The following CDH18 variants were observed in gnomAD, a reference collection of about 807,000 sequenced individuals.
CDH18 encodes the protein cadherin-18.
CDH18 carries 31 observed loss-of-function variants against 67.9 expected under a neutral mutation model. The ratio of observed to expected loss-of-function variants is 0.46; its 90% CI spans 0.34 to 0.62. The LOEUF (loss-of-function observed/expected upper bound fraction) is 0.62. Among genes scored for constraint, CDH18 ranks in the 20% least tolerant of loss-of-function variants. The pLI is 0.01. For synonymous variants in CDH18, 362 were observed against 347.2 expected, an observed-to-expected ratio of 1.04 and a Z score of -0.48; for missense variants, 890 against 975.5, an observed-to-expected ratio of 0.91 and a Z score of 1.17.
At chr5:19,904,733 T>G (rs1790351524) in intron 2 of CDH18, among the ~76,000 whole-genome samples, 1 of 152,226 alleles carries the variant, frequency 6.6e-6, no homozygotes, top group Admixed American at 6.5e-5. Flanking sequence ...TGTATTCAAT[T>G]TTATGTTGAT....
intron 1 of CDH18, among the ~76,000 whole-genome samples, chr5:20,300,453 A>T (rs1341500265): frequency 6.7e-6 from 1 of 148,732 alleles, no homozygotes; most frequent in Non-Finnish European, 1.5e-5. Context: ...CTCATGTCCC[A>T]CTAGGTTTGG....
At chr5:20,048,965 T>A (rs1405022417) in intron 2 of CDH18, among the ~76,000 whole-genome samples, 2 of 151,734 alleles carry the variant, frequency 1.3e-5, no homozygotes, top group South Asian at 4.1e-4. Flanking sequence ...AAGGAATGCA[T>A]TTACACTGGT....
At chr5:19,832,385 AC>A (rs1300585964) in intron 3 of CDH18, among the ~76,000 whole-genome samples, 3 of 152,142 alleles carry the variant, frequency 2.0e-5, no homozygotes, top group African/African-American at 7.2e-5. Context: ...TATTAAAAAA[AC>A]ATTCTTTTAA....
intron 1 of CDH18, among the ~76,000 whole-genome samples, chr5:20,299,072 T>C (rs1198606591): frequency 1.3e-5 from 2 of 152,118 alleles, no homozygotes; most frequent in African/African-American, 4.8e-5. Context: ...TTTTAAGTTT[T>C]TCTCTGAGAT....
chr5:19,925,019 C>T (rs1792935255), intron 2 of CDH18, among the ~76,000 whole-genome samples: 1 of 152,192 alleles, frequency 6.6e-6, no homozygotes, highest in South Asian at 2.1e-4. Flanking sequence ...TGACAGTCTA[C>T]TGTGAACCAG....
chr5:19,945,668 A>C (rs984902705), intron 2 of CDH18, among the ~76,000 whole-genome samples: 8 of 152,160 alleles, frequency 5.3e-5, no homozygotes, highest in Admixed American at 4.6e-4. Context: ...GAAAAATAAC[A>C]GTTTTTGGAA....
At chr5:20,029,983 T>TCGAGGA (rs1739243177) in intron 2 of CDH18, among the ~76,000 whole-genome samples, 1 of 152,156 alleles carries the variant, frequency 6.6e-6, no homozygotes, top group Non-Finnish European at 1.5e-5. Context: ...AGTTGTAGGA[T>TCGAGGA]TGAGGTATTG....
intron 9 of CDH18, among the ~76,000 whole-genome samples, chr5:19,526,092 A>T (rs1384725548): frequency 6.6e-6 from 1 of 152,132 alleles, no homozygotes; most frequent in Non-Finnish European, 1.5e-5. Flanking sequence ...ATGTGCATTA[A>T]TTATTTAATT....
At chr5:20,006,989 C>G (rs1369313677) in intron 2 of CDH18, among the ~76,000 whole-genome samples, 2 of 151,740 alleles carry the variant, frequency 1.3e-5, no homozygotes, top group African/African-American at 4.8e-5. Flanking sequence ...CAACCACAAC[C>G]AAATATTGAG....
intron 2 of CDH18, among the ~76,000 whole-genome samples, chr5:19,844,300 G>A (rs544244905): frequency 6.6e-6 from 1 of 152,198 alleles, no homozygotes; most frequent in Admixed American, 6.5e-5. Flanking sequence ...CTCATAGAAG[G>A]TGACTAGATC....
chr5:20,233,147 C>T (rs1162193999), intron 2 of CDH18, among the ~76,000 whole-genome samples: 1 of 150,788 alleles, frequency 6.6e-6, no homozygotes, highest in East Asian at 1.9e-4. Context: ...TTCCCCTAGC[C>T]CTGTGTATCT....
At chr5:20,214,222 C>T (rs1343666978) in intron 2 of CDH18, among the ~76,000 whole-genome samples, 1 of 151,958 alleles carries the variant, frequency 6.6e-6, no homozygotes, top group East Asian at 1.9e-4. Flanking sequence ...ATATATTATG[C>T]TCATGGATAG....
chr5:19,659,151 T>C (rs1756826107), intron 5 of CDH18, among the ~76,000 whole-genome samples: 1 of 152,150 alleles, frequency 6.6e-6, no homozygotes, highest in Non-Finnish European at 1.5e-5. Flanking sequence ...CTCTGTATTT[T>C]AGAAAGTCGT....
chr5:20,095,392 GAAGAAAGA>G (rs746033336), intron 2 of CDH18, among the ~76,000 whole-genome samples: 3,648 of 64,240 alleles, frequency 0.057, 179 homozygotes, highest in East Asian at 0.069. Flanking sequence ...AAGAGAAACA[GAAGAAAGA>G]AAGAAAGAAA....
At chr5:20,248,368 C>G (rs1743546550) in intron 2 of CDH18, among the ~76,000 whole-genome samples, 1 of 152,228 alleles carries the variant, frequency 6.6e-6, no homozygotes, top group Non-Finnish European at 1.5e-5. Flanking sequence ...AAGCTGTCAG[C>G]TTGATTCTGT....
At position 20,536,754 on chromosome 5, in the gene CDH18, T is replaced by A. The variant is rs1011513456; in HGVS notation, c.-580+38708A>T. ...AGCTTGGATTGTTCTAACTTCATAG[T>A]TCAGAAAACCCAAGGAGGAGGCTCT... On this transcript the variant is annotated intron_variant, in intron 1 of 14. Transcript: ENST00000507958. 3.3e-5 allele frequency among the ~76,000 whole-genome samples: 5 copies of A among 152,144 alleles called. No homozygotes were observed. In the South Asian group the frequency reaches 8.3e-4, roughly 25 times the overall value.
At chr5:19,520,936 C>T (rs978547073) in intron 9 of CDH18, among the ~76,000 whole-genome samples, 158 bp from the exon 10 acceptor site, 1 of 152,150 alleles carries the variant, frequency 6.6e-6, no homozygotes, top group Non-Finnish European at 1.5e-5. Context: ...TTTGCTAGAA[C>T]TCATTAACTT....
In CDH18 at chr5:20,528,900, G is replaced by T. The variant is rs563440733; in HGVS notation, c.-580+46562C>A. On this transcript the variant is annotated intron_variant, in intron 1 of 14. Transcript: ENST00000507958. ...ACAAGAAATAACCAAGTTCAGAAGA[G>T]AACTGAAGGAAATAGAGACACAAAA... Among the ~76,000 whole-genome samples the T allele has an allele frequency of 1.9e-4, 29 of 151,834 alleles. No homozygotes were observed. In the South Asian group the frequency reaches 5.8e-3, roughly 30 times the overall value.
chr5:20,250,961 C>G (rs1335561857), intron 2 of CDH18, among the ~76,000 whole-genome samples: 3 of 151,896 alleles, frequency 2.0e-5, no homozygotes, highest in African/African-American at 7.3e-5. Context: ...CAAATTCTTC[C>G]CCTTTACATT....
Sources: allele counts gnomAD v4.1 joint callset (sites outside exome capture counted in the v4.1 genomes callset), GRCh38; gene constraint gnomAD v4.1.1; transcripts MANE v1.5; gene names NCBI Gene and HGNC (gene_info 2026-07-23, HGNC 2026-07-21).